Variants in FAM107B observed in about 807,000 individuals in gnomAD.
The protein encoded by FAM107B is family with sequence similarity 107 member B.
FAM107B carries 21 observed loss-of-function variants against 31.5 expected under a neutral mutation model. The observed-to-expected ratio is 0.67, with a 90% CI of 0.47 to 0.96. The LOEUF (loss-of-function observed/expected upper bound fraction) is 0.96. Among genes scored for constraint, FAM107B ranks in the 40% least tolerant of loss-of-function variants. The pLI is 0.00. For synonymous variants in FAM107B, 157 were observed against 141.5 expected, an observed-to-expected ratio of 1.11 and a Z score of -0.78; for missense variants, 452 against 377.1, an observed-to-expected ratio of 1.20 and a Z score of -1.64.
chr10:14,757,063 A>T (rs1036847442), intron 1 of FAM107B, among the ~76,000 whole-genome samples: 24 of 152,314 alleles, frequency 1.6e-4, no homozygotes, highest in African/African-American at 5.3e-4. Flanking sequence ...ACTAGGCTTA[A>T]TACCTGGATG....
rs1199024951 is a variant in FAM107B, at chr10:14,519,075, C to G, written c.*2115G>C. 1 of 152,290 alleles carries G rather than the reference C, an allele frequency of 6.6e-6. No individual in the cohort carries two copies. Among genetic ancestry groups the G allele is most frequent in the Non-Finnish European group, 1.5e-5 (1 of 68,026 alleles). 9.4% of individuals were successfully genotyped at this position (152,290 alleles called of 1,614,324 possible). A position where few individuals can be genotyped will look rare whatever the true frequency, so the allele number is the denominator to read the frequency against. ...CCACTTTACGCTATTTACAAGTCTC[C>G]TTTTGGCCAGATTTTGTATTACTAA... On this transcript the variant is annotated 3_prime_UTR_variant, in exon 5 of 5. Transcript: ENST00000181796.
At chr10:14,626,655 C>T (rs912736104) in intron 2 of FAM107B, among the ~76,000 whole-genome samples, 7 of 152,110 alleles carry the variant, frequency 4.6e-5, no homozygotes, top group Admixed American at 2.6e-4. Flanking sequence ...AGGCGCCCGC[C>T]ACCACACCCG....
intron 1 of FAM107B, among the ~76,000 whole-genome samples, chr10:14,734,488 G>GTGTTTTTTTTTTTTTT (rs558940939): frequency 1.0e-4 from 14 of 138,554 alleles, no homozygotes; most frequent in Admixed American, 2.9e-4. Context: ...TTTTTGTGAG[G>GTGTTTTTTTTTTTTTT]TTTTTTTTTT....
intron 1 of FAM107B, among the ~76,000 whole-genome samples, chr10:14,703,642 T>C (rs1855455772): frequency 6.6e-6 from 1 of 152,144 alleles, no homozygotes; most frequent in Non-Finnish European, 1.5e-5. Flanking sequence ...GCCCAGGTCT[T>C]CTTAAGTTTG....
At chr10:14,729,317 C>T (rs1476977105) in intron 1 of FAM107B, among the ~76,000 whole-genome samples, 1 of 152,044 alleles carries the variant, frequency 6.6e-6, no homozygotes, top group Non-Finnish European at 1.5e-5. Flanking sequence ...TATTTTTATC[C>T]CTATTTTACG....
At chr10:14,548,630 CCAGCTGCGAAGGCAGGCACTCCCAGA>C (rs1406240064) in intron 2 of FAM107B, 2 of 985,364 alleles carry the variant, frequency 2.0e-6, no homozygotes, top group Non-Finnish European at 1.2e-6. Flanking sequence ...AGGGCTCTCT[CCAGCTGCGAAGGCAGGCACTCCCAGA>C]AGCCCCCGGG....
intron 2 of FAM107B, among the ~76,000 whole-genome samples, chr10:14,667,188 G>A (rs1035277635): frequency 1.1e-4 from 17 of 151,922 alleles, no homozygotes; most frequent in African/African-American, 3.1e-4. Flanking sequence ...CTCATAGGGC[G>A]TCCTATTGTG....
intron 1 of FAM107B, among the ~76,000 whole-genome samples, chr10:14,679,017 G>T (rs531350710): frequency 2.8e-4 from 42 of 152,336 alleles, no homozygotes; most frequent in African/African-American, 9.1e-4. Context: ...ATCCCACAGG[G>T]GTGCTGGAAA....
chr10:14,553,596 G>T (rs1849451413), intron 2 of FAM107B: 1 of 311,342 alleles, frequency 3.2e-6, no homozygotes, highest in South Asian at 2.6e-5. Context: ...TGGGCAAAAA[G>T]AGTAGGGGAG....
chr10:14,646,702 G>A (rs1376444261), intron 2 of FAM107B, among the ~76,000 whole-genome samples: 1 of 151,408 alleles, frequency 6.6e-6, no homozygotes, highest in African/African-American at 2.4e-5. Context: ...GGACTGCTGG[G>A]TCAAATAGTA....
chr10:14,772,967 C>T (rs1833341511), intron 1 of FAM107B, among the ~76,000 whole-genome samples: 1 of 152,108 alleles, frequency 6.6e-6, no homozygotes, highest in Admixed American at 6.6e-5. Context: ...ATCATTGGTA[C>T]CATAAATATC....
chr10:14,588,826 A>G (rs1851926605), intron 2 of FAM107B, among the ~76,000 whole-genome samples: 1 of 152,170 alleles, frequency 6.6e-6, no homozygotes. Context: ...AAGAAGAGAG[A>G]GAAGGAGGGC....
chr10:14,539,235 A>G (rs56997869), intron 2 of FAM107B, among the ~76,000 whole-genome samples: 13,981 of 152,266 alleles, frequency 0.092, 671 homozygotes, highest in East Asian at 0.19. Flanking sequence ...GTGCTGTGGA[A>G]GAAAGAAAAT....
intron 2 of FAM107B, among the ~76,000 whole-genome samples, chr10:14,624,131 A>G (rs1853091794): frequency 6.6e-6 from 1 of 152,196 alleles, no homozygotes; most frequent in Non-Finnish European, 1.5e-5. Context: ...CTGGTGCCCA[A>G]TTCACAAAAC....
intron 2 of FAM107B, among the ~76,000 whole-genome samples, chr10:14,664,658 T>C (rs978677945): frequency 6.6e-6 from 1 of 152,220 alleles, no homozygotes. Context: ...GTGCCCTCTA[T>C]GATGTTCACA....
intron 1 of FAM107B, among the ~76,000 whole-genome samples, chr10:14,703,438 C>A (rs988755830): frequency 4.0e-5 from 6 of 151,518 alleles, no homozygotes; most frequent in African/African-American, 1.5e-4. Context: ...TGGGTTCAAG[C>A]AATTCTGGTG....
chr10:14,570,040 A>C (rs1851060053), intron 2 of FAM107B, among the ~76,000 whole-genome samples: 2 of 152,244 alleles, frequency 1.3e-5, no homozygotes, highest in Non-Finnish European at 2.9e-5. Flanking sequence ...GAAAGCTTTT[A>C]TAAATTAAAG....
At chr10:14,700,925 C>T (rs1855385433) in intron 1 of FAM107B, among the ~76,000 whole-genome samples, 1 of 151,726 alleles carries the variant, frequency 6.6e-6, no homozygotes, top group South Asian at 2.1e-4. Context: ...TCACACCTCA[C>T]CCCACATGTG....
chr10:14,572,740 TATA>T lies in FAM107B; in HGVS notation c.470-42228_470-42226del, dbSNP rs1479974057. ...ATCTCTTCAAAAAAAAAAAAAAATTTATATATATATATATATATATTAGAGTGT... is the reference window on the plus strand; with the variant it reads ...ATCTCTTCAAAAAAAAAAAAAAATTTTATATATATATATATATTAGAGTGT... On this transcript the variant is annotated intron_variant, in intron 2 of 4. Coordinates refer to ENST00000181796, the MANE Select transcript of FAM107B (RefSeq NM_031453.4). Among the ~76,000 whole-genome samples, 24 of 87,760 alleles carry T rather than the reference TATA, an allele frequency of 2.7e-4. 2 individuals are homozygous for T. Among genetic ancestry groups the T allele is most frequent in the Admixed American group, 8.4e-4 (7 of 8,362 alleles). 57.6% of individuals were successfully genotyped at this position (87,760 alleles called of 152,430 possible).
Sources: allele counts gnomAD v4.1 joint callset (sites outside exome capture counted in the v4.1 genomes callset), GRCh38; gene constraint gnomAD v4.1.1; transcripts MANE v1.5; gene names NCBI Gene and HGNC (gene_info 2026-07-23, HGNC 2026-07-21).